Variants in OR7D2 observed in about 807,000 individuals in gnomAD.
OR7D2 encodes olfactory receptor family 7 subfamily D member 2, also known as olfactory receptor 7D2.
For missense variants in OR7D2, 370 were observed against 384.1 expected, an observed-to-expected ratio of 0.96 and a Z score of 0.31; for synonymous variants, 158 against 158.7, an observed-to-expected ratio of 1.00 and a Z score of 0.03.
At chr19:9,182,949 C>CT in intron 2 of OR7D2, 1 of 458,920 alleles carries the variant, frequency 2.2e-6, no homozygotes, top group Non-Finnish European at 4.3e-6. Flanking sequence ...AATGCACGTT[C>CT]TTTTTTGACA....
At chr19:9,184,808 T>A (rs574993841) in intron 2 of OR7D2, among the ~76,000 whole-genome samples, 1 of 152,256 alleles carries the variant, frequency 6.6e-6, no homozygotes, top group South Asian at 2.1e-4. Flanking sequence ...TGTATATATA[T>A]TTTTACACAA....
At position 9,187,970 on chromosome 19, in the gene OR7D2, C is replaced by T. The variant is rs902144139; in HGVS notation, c.*1250C>T. 1 of 166,876 alleles carries T rather than the reference C, an allele frequency of 6.0e-6. No individual in the cohort carries two copies. Among genetic ancestry groups the T allele is most frequent in the Non-Finnish European group, 1.5e-5 (1 of 68,138 alleles). 10.3% of individuals were successfully genotyped at this position (166,876 alleles called of 1,614,324 possible). A position where few individuals can be genotyped will look rare whatever the true frequency, so the allele number is the denominator to read the frequency against. Reference sequence around the variant, plus strand: ...GGTTGGTTCCATGCCTTTGTAATTGCTAATTATGTTGCTATAAACATGCAG... The same window carrying T: ...GGTTGGTTCCATGCCTTTGTAATTGTTAATTATGTTGCTATAAACATGCAG... On this transcript the variant is annotated 3_prime_UTR_variant, in exon 3 of 3. Coordinates refer to ENST00000641288, the MANE Select transcript of OR7D2 (RefSeq NM_175883.4).
rs2051041127 is a variant in OR7D2 at position 9,186,920 on chromosome 19, AC to A, written c.*201del. The A allele has an allele frequency of 4.4e-6, 2 of 455,282 alleles. No homozygotes were observed. Among genetic ancestry groups the A allele is most frequent in the African/African-American group, 2.2e-5 (1 of 45,016 alleles). The allele number at this position is 455,282 out of a possible 1,614,324, so 28.2% of individuals were successfully genotyped here. A position where few individuals can be genotyped will look rare whatever the true frequency, so the allele number is the denominator to read the frequency against. On this transcript the variant is annotated 3_prime_UTR_variant, in exon 3 of 3. Coordinates refer to ENST00000641288, the MANE Select transcript of OR7D2 (RefSeq NM_175883.4). ...ATTACCTGAATAGTGAACATAAGGC[AC>A]TTTTTTTTCTTTTTTGAGACGGAGT...
rs915767439 is a variant in OR7D2 at position 9,179,076 on chromosome 19, A to G, written c.-152A>G. On this transcript the variant is annotated 5_prime_UTR_variant, in exon 1 of 3. Transcript: ENST00000641288. ...CTAGATTCTGTCTTCAGCATTCAAC[A>G]GTCAGGGGAGGAAGACGTCATACCA... The G allele has an allele frequency of 1.3e-5, 2 of 148,738 alleles. No individual in the cohort carries two copies. The highest frequency in any genetic ancestry group is 6.9e-5 in the Admixed American group (1 of 14,402). 9.2% of individuals were successfully genotyped at this position (148,738 alleles called of 1,614,324 possible).
chr19:9,181,239 A>G (rs964889478), intron 2 of OR7D2, among the ~76,000 whole-genome samples: 6 of 150,000 alleles, frequency 4.0e-5, no homozygotes, highest in African/African-American at 1.5e-4. Context: ...TATATACTAT[A>G]TTAGTAATAT....
At chr19:9,185,674 C>G in intron 2 of OR7D2, 95 bp from the exon 3 acceptor site, 1 of 715,792 alleles carries the variant, frequency 1.4e-6, no homozygotes. Flanking sequence ...GTTGCAAATT[C>G]CTGGGCTCAA....
intron 2 of OR7D2, among the ~76,000 whole-genome samples, chr19:9,181,231 T>G: frequency 6.7e-6 from 1 of 149,846 alleles, no homozygotes. Flanking sequence ...CTATTTGCTA[T>G]ATACTATATT....
At position 9,187,356 on chromosome 19, in the gene OR7D2, A is replaced by G. The variant is rs2051045123; in HGVS notation, c.*636A>G. 6.0e-6 allele frequency: 1 copy of G among 166,934 alleles called. No homozygotes were observed. The allele number at this position is 166,934 out of a possible 1,614,324, so 10.3% of individuals were successfully genotyped here. ...TTGTTTCTTTACTACCTTACTTAAGAGAATGGCTTCCAGTCCCATCGATGT... is the reference window on the plus strand; with the variant it reads ...TTGTTTCTTTACTACCTTACTTAAGGGAATGGCTTCCAGTCCCATCGATGT... On this transcript the variant is annotated 3_prime_UTR_variant, in exon 3 of 3. Transcript: ENST00000641288.
At chr19:9,180,994 G>A (rs1228288247) in intron 2 of OR7D2, among the ~76,000 whole-genome samples, 3 of 151,774 alleles carry the variant, frequency 2.0e-5, no homozygotes, top group Admixed American at 1.3e-4. Context: ...GTGTGGTGGC[G>A]AGCATCTGTA....
intron 2 of OR7D2, chr19:9,183,002 G>A: frequency 2.3e-6 from 1 of 443,068 alleles, no homozygotes. Context: ...GACATACACG[G>A]CATCAGGGCC....
intron 2 of OR7D2, among the ~76,000 whole-genome samples, chr19:9,181,350 T>A (rs968114050): frequency 1.3e-5 from 2 of 151,072 alleles, no homozygotes; most frequent in African/African-American, 2.4e-5. Context: ...ATTATCCCAA[T>A]AATGTCATCT....
At position 9,186,650 on chromosome 19, in the gene OR7D2, A is replaced by G. The variant is rs200293540; in HGVS notation, c.869A>G (p.Tyr290Cys). 1.6e-4 allele frequency: 266 copies of G among 1,613,984 alleles called. No individual in the cohort carries two copies. Among genetic ancestry groups the G allele is most frequent in the Non-Finnish European group, 2.1e-4 (249 of 1,180,026 alleles). The change falls in exon 3 of 3, where the codon TAC becomes TGC. Residue 290 changes from tyrosine (Y) to cysteine (C), a missense_variant. Physicochemically the swap from Tyr to Cys is radical, Grantham distance 194. Coordinates refer to ENST00000641288, the MANE Select transcript of OR7D2 (RefSeq NM_175883.4). ...VVTPMLNPFI[Y>C]SLRNKDVKGA... ...ACCCCCATGTTGAACCCCTTCATCT[A>G]CAGCCTGAGGAACAAGGATGTGAAG... is the stretch of plus-strand genomic sequence containing the variant.
chr19:9,185,689 TC>T, intron 2 of OR7D2, 79 bp from the exon 3 acceptor site: 1 of 830,670 alleles, frequency 1.2e-6, no homozygotes, highest in South Asian at 1.9e-5. Flanking sequence ...GCTCAAGTGA[TC>T]CTTCCATCTC....
In OR7D2 at chr19:9,186,863, A is replaced by C. The variant is rs140720391; in HGVS notation, c.*143A>C. The C allele has an allele frequency of 7.1e-5, 45 of 632,458 alleles. No homozygotes were observed. The African/African-American group carries it at 8.1e-4, about 11-fold the overall frequency. The allele number at this position is 632,458 out of a possible 1,614,324, so 39.2% of individuals were successfully genotyped here. Reference sequence around the variant, plus strand: ...TGCAGATTTCTTAACATGCATTTGCATAAGGGTGAAGTCTGAGCTTTTGGC... The same window carrying C: ...TGCAGATTTCTTAACATGCATTTGCCTAAGGGTGAAGTCTGAGCTTTTGGC... On this transcript the variant is annotated 3_prime_UTR_variant, in exon 3 of 3. Coordinates refer to ENST00000641288, the MANE Select transcript of OR7D2 (RefSeq NM_175883.4).
chr19:9,179,984 C>T (rs984141492), intron 1 of OR7D2, among the ~76,000 whole-genome samples: 3 of 141,668 alleles, frequency 2.1e-5, no homozygotes, highest in Non-Finnish European at 4.5e-5. Context: ...GCCTGGGCAA[C>T]AAGAACAAAA....
chr19:9,185,946 C>T lies in OR7D2; in HGVS notation c.165C>T (p.Leu55=). ...TGGCCATCAGCTCTGACTCCCACCT[C>T]CACACCCCCATGTACTTCTTCCTCT... ...IILAISSDSH[L]HTPMYFFLSN... Residue 55 remains leucine, a synonymous_variant, in exon 3 of 3, where the codon CTC becomes CTT. Coordinates refer to ENST00000641288, the MANE Select transcript of OR7D2 (RefSeq NM_175883.4). 1 of 1,614,128 alleles carries T rather than the reference C, an allele frequency of 6.2e-7. No homozygotes were observed. The highest frequency in any genetic ancestry group is 8.5e-7 in the Non-Finnish European group (1 of 1,180,014).
At position 9,186,920 on chromosome 19, in the gene OR7D2, A is replaced by AAT; in HGVS notation, c.*200_*201insAT. 2.2e-6 allele frequency: 1 copy of AAT among 455,282 alleles called. No individual in the cohort carries two copies. Among genetic ancestry groups the AAT allele is most frequent in the Admixed American group, 3.9e-5 (1 of 25,728 alleles). The allele number at this position is 455,282 out of a possible 1,614,324, so 28.2% of individuals were successfully genotyped here. On this transcript the variant is annotated 3_prime_UTR_variant, in exon 3 of 3. Coordinates refer to ENST00000641288, the MANE Select transcript of OR7D2 (RefSeq NM_175883.4). The stretch of plus-strand genomic sequence containing the variant: ...ATTACCTGAATAGTGAACATAAGGC[A>AAT]CTTTTTTTTCTTTTTTGAGACGGAG...
At chr19:9,184,429 GAA>G (rs1378870058) in intron 2 of OR7D2, among the ~76,000 whole-genome samples, 3 of 149,674 alleles carry the variant, frequency 2.0e-5, no homozygotes, top group Non-Finnish European at 4.5e-5. Context: ...AAAGGAAAAA[GAA>G]ATTAAAATTT....
Position 9,186,249 on chromosome 19 carries a change from C to G in OR7D2, c.468C>G (p.Ser156=). ...FVTWLIGVMT[S]LLHISLMMHL... ...CCTGGCTCATTGGTGTCATGACATCCCTCCTCCATATTTCTCTGATGATGC... is the reference window on the plus strand; with the variant it reads ...CCTGGCTCATTGGTGTCATGACATCGCTCCTCCATATTTCTCTGATGATGC... Residue 156 remains serine, a synonymous_variant, in exon 3 of 3, where the codon TCC becomes TCG. Transcript: ENST00000641288. 1 of 1,613,908 alleles carries G rather than the reference C, an allele frequency of 6.2e-7. No homozygotes were observed. Among genetic ancestry groups the G allele is most frequent in the Non-Finnish European group, 8.5e-7 (1 of 1,179,940 alleles).
Sources: gnomAD v4.1 joint callset for allele counts (sites outside exome capture counted in the v4.1 genomes callset) on GRCh38, gnomAD v4.1.1 for gene constraint, MANE v1.5 for transcripts, NCBI Gene and HGNC (gene_info 2026-07-23, HGNC 2026-07-21) for gene names.